The following PHIP variants were observed in gnomAD, a reference collection of about 807,000 sequenced individuals.
PHIP encodes PHIP subunit of CUL4-Ring ligase complex.
PHIP carries 54 observed loss-of-function variants against 236.8 expected under a neutral mutation model. The ratio of observed to expected loss-of-function variants is 0.23; its 90% confidence interval spans 0.18 to 0.29. The LOEUF (loss-of-function observed/expected upper bound fraction) is 0.29. Ranked by LOEUF, PHIP falls within the 10% of genes least tolerant of loss-of-function variation. The pLI, the probability that PHIP is intolerant of heterozygous loss-of-function variation, is 1.00. For missense variants in PHIP, 1,370 were observed against 2,190.8 expected (o/e 0.63, Z 7.48); for synonymous variants, 756 against 718.9 (o/e 1.05, Z -0.83).
chr6:79,050,231 G>A (rs994516826), intron 6 of PHIP, among the ~76,000 whole-genome samples: 1 of 152,148 alleles, frequency 6.6e-6, no homozygotes, highest in Non-Finnish European at 1.5e-5. Context: ...CTTACGACGT[G>A]TAGCAAATTT....
intron 32 of PHIP, chr6:78,957,189 A>G (rs1054578257): frequency 3.9e-5 from 6 of 152,042 alleles, no homozygotes; most frequent in African/African-American, 1.4e-4. Context: ...AGACTTTCAA[A>G]TGTATTAACA....
intron 22 of PHIP, 30 bp from the exon 23 acceptor site, chr6:78,983,147 C>T: frequency 8.6e-7 from 1 of 1,158,894 alleles, no homozygotes; most frequent in Non-Finnish European, 1.2e-6. Flanking sequence ...TATTAGATAA[C>T]ACACAAGATA....
intron 15 of PHIP, among the ~76,000 whole-genome samples, chr6:79,011,138 A>G (rs975727714): frequency 6.6e-6 from 1 of 151,884 alleles, no homozygotes; most frequent in Non-Finnish European, 1.5e-5. Context: ...CCTCCTGCCA[A>G]TGCCAAACAA....
chr6:79,017,456 C>T, intron 11 of PHIP, 27 bp downstream of exon 11: 3 of 1,574,194 alleles, frequency 1.9e-6, no homozygotes, highest in Non-Finnish European at 1.7e-6. Flanking sequence ...AAATTATACT[C>T]ATCTAATTCT....
At chr6:79,032,346 A>G (rs1411586004) in intron 7 of PHIP, among the ~76,000 whole-genome samples, 1 of 152,198 alleles carries the variant, frequency 6.6e-6, no homozygotes, top group African/African-American at 2.4e-5. Context: ...TCTCTGCAGC[A>G]TGGAATGCTA....
Position 78,992,053 on chromosome 6 carries a change from C to A in PHIP, c.2202-1068G>T, listed in dbSNP as rs577451252. Among the ~76,000 whole-genome samples the A allele has an allele frequency of 1.7e-4, 26 of 151,342 alleles. No homozygotes were observed. The South Asian group carries it at 5.3e-3, about 31-fold the overall frequency. ...CTCGGCTCACTGCAGGCTCTGCCCCCCGGGGTTCACACCATTCTCCTGCCT... is the reference window on the plus strand; with the variant it reads ...CTCGGCTCACTGCAGGCTCTGCCCCACGGGGTTCACACCATTCTCCTGCCT... On this transcript the variant is annotated intron_variant, in intron 19 of 39. Coordinates refer to ENST00000275034, the MANE Select transcript of PHIP (RefSeq NM_017934.7).
At chr6:79,017,635 C>T in intron 10 of PHIP, 52 bp from the exon 11 acceptor site, 3 of 1,299,214 alleles carry the variant, frequency 2.3e-6, no homozygotes, top group Non-Finnish European at 3.3e-6. Context: ...TTCAAAATCT[C>T]TGAAAATTAG....
At position 78,978,634 on chromosome 6, in the gene PHIP, G is replaced by A. The variant is rs745974472; in HGVS notation, c.2847C>T (p.Thr949=). Residue 949 remains threonine (T), a synonymous_variant, in exon 24 of 40, where the codon ACC becomes ACT. Coordinates refer to ENST00000275034, the MANE Select transcript of PHIP (RefSeq NM_017934.7). ...GCACAAATGGACATCTTCGGGGAAT[G>A]GTATCTGTAATCCATGTTGATGGCA... is the stretch of plus-strand genomic sequence containing the variant. The part of the protein sequence containing the change: ...EWLPSTWITD[T]IPRRCPFVPQ... 39 of 1,593,390 alleles carry A rather than the reference G, an allele frequency of 2.4e-5. No individual in the cohort carries two copies. Among genetic ancestry groups the A allele is most frequent in the Non-Finnish European group, 3.1e-5 (36 of 1,165,810 alleles).
At chr6:78,992,964 C>T (rs1445039539) in intron 19 of PHIP, among the ~76,000 whole-genome samples, 1 of 152,226 alleles carries the variant, frequency 6.6e-6, no homozygotes, top group African/African-American at 2.4e-5. Flanking sequence ...GCCCAACAAC[C>T]ACGTTTTCAA....
intron 27 of PHIP, among the ~76,000 whole-genome samples, chr6:78,967,860 C>T (rs1278848357): frequency 2.6e-5 from 4 of 151,954 alleles, no homozygotes; most frequent in African/African-American, 4.8e-5. Flanking sequence ...ATCGGCCGGG[C>T]GCGGTGGCTC....
intron 39 of PHIP, among the ~76,000 whole-genome samples, chr6:78,944,301 G>A (rs1773682856): frequency 6.6e-6 from 1 of 152,100 alleles, no homozygotes; most frequent in South Asian, 2.1e-4. Context: ...ATGATTTGAA[G>A]GCAAGGAAGT....
At chr6:79,000,664 G>A (rs1769927439) in intron 17 of PHIP, among the ~76,000 whole-genome samples, 1 of 151,954 alleles carries the variant, frequency 6.6e-6, no homozygotes, top group African/African-American at 2.4e-5. Flanking sequence ...AGAGACTGAA[G>A]ACATTTCTCT....
chr6:79,010,771 T>C (rs1047218677), intron 15 of PHIP, among the ~76,000 whole-genome samples: 6 of 151,976 alleles, frequency 3.9e-5, no homozygotes, highest in South Asian at 4.1e-4. Context: ...GCATCTCTTA[T>C]TTACTATTTA....
At chr6:78,975,409 C>T in intron 24 of PHIP, among the ~76,000 whole-genome samples, 1 of 152,142 alleles carries the variant, frequency 6.6e-6, no homozygotes, top group Non-Finnish European at 1.5e-5. Flanking sequence ...AAACCCACAG[C>T]CAATATCATA....
chr6:78,995,044 T>C (rs1769520955), intron 19 of PHIP, among the ~76,000 whole-genome samples: 2 of 152,216 alleles, frequency 1.3e-5, no homozygotes, highest in South Asian at 2.1e-4. Flanking sequence ...CCCCAAAGTA[T>C]GCCTGTATCT....
At position 78,988,344 on chromosome 6, in the gene PHIP, A is replaced by C. The variant is rs1263096426; in HGVS notation, c.2325T>G (p.His775Gln). The C allele has an allele frequency of 6.3e-7, 1 of 1,578,484 alleles. No homozygotes were observed. The highest frequency in any genetic ancestry group is 2.3e-5 in the East Asian group (1 of 44,226). ...ENKIPTVSKN[H>Q]AHEHFLDLGE... Reference sequence around the variant, plus strand: ...CAAGATCCAGGAAATGCTCATGAGCATGATTCTAGAAAAAAATAAATTAAA... The same window carrying C: ...CAAGATCCAGGAAATGCTCATGAGCCTGATTCTAGAAAAAAATAAATTAAA... Residue 775 changes from histidine to glutamine, a missense_variant, in exon 21 of 40, where the codon CAT becomes CAG. Physicochemically the swap from His to Gln is conservative, Grantham distance 24 (BLOSUM62 0). Coordinates refer to ENST00000275034, the MANE Select transcript of PHIP (RefSeq NM_017934.7).
chr6:78,945,469 T>C lies in PHIP; in HGVS notation c.4659A>G (p.Lys1553=). 2 of 1,609,476 alleles carry C rather than the reference T, an allele frequency of 1.2e-6. No homozygotes were observed. The highest frequency in any genetic ancestry group is 1.7e-4 in the Middle Eastern group (1 of 6,048). Residue 1553 remains lysine, a synonymous_variant, in exon 39 of 40, where the codon AAA becomes AAG. Transcript: ENST00000275034. ...CAGGACTGGAAAGAGTATTCAAAGC[T>C]TTGGAATGTTTCACAGAATTCTCTA... The part of the protein sequence containing the change: ...TILENSVKHS[K]ALNTLSSPGQ...
At chr6:78,977,716 C>T (rs1192914544) in intron 24 of PHIP, among the ~76,000 whole-genome samples, 1 of 152,160 alleles carries the variant, frequency 6.6e-6, no homozygotes, top group Non-Finnish European at 1.5e-5. Flanking sequence ...CTTAATGCTA[C>T]AGGATGTTAA....
At position 78,941,052 on chromosome 6, in the gene PHIP, C is replaced by T. The variant is rs1470445876; in HGVS notation, c.5107G>A (p.Glu1703Lys). The part of the protein sequence containing the change: ...NFLSETNNVK[E>K]DLLQKKNRGG... ...CGATTCTTTTTCTGTAACAAATCTT[C>T]CTTTACATTATTAGTTTCAGAAAGA... is the stretch of plus-strand genomic sequence containing the variant. Residue 1703 changes from glutamate (E) to lysine (K), a missense_variant, in exon 40 of 40, where the codon GAA becomes AAA. This residue lies in a region of PHIP where 309 missense variants were observed against 328.3 expected (regional missense o/e 0.94). Transcript: ENST00000275034. 1 of 1,613,832 alleles carries T rather than the reference C, an allele frequency of 6.2e-7. No individual in the cohort carries two copies. Among genetic ancestry groups the T allele is most frequent in the Non-Finnish European group, 8.5e-7 (1 of 1,179,910 alleles).
Sources: allele counts gnomAD v4.1 joint callset (sites outside exome capture counted in the v4.1 genomes callset), GRCh38; gene constraint gnomAD v4.1.1; regional missense constraint gnomAD v4.1.1; transcripts MANE v1.5; gene names NCBI Gene and HGNC (gene_info 2026-07-23, HGNC 2026-07-21).